Variants in SPR observed in about 807,000 individuals in gnomAD.
SPR encodes sepiapterin reductase.
Under a neutral mutation model 16.0 loss-of-function variants are expected in SPR, and 12 were observed. The observed-to-expected ratio is 0.75, with a 90% CI of 0.48 to 1.22. The LOEUF (loss-of-function observed/expected upper bound fraction) is 1.22, where lower values mean the gene tolerates loss of function less well. SPR is among the 50% of genes most tolerant of loss of function. The pLI, the probability that SPR is intolerant of heterozygous loss-of-function variation, is 0.00. For missense variants in SPR, 324 were observed against 344.4 expected (o/e 0.94, Z 0.47); for synonymous variants, 177 against 168.5 (o/e 1.05, Z -0.39).
intron 2 of SPR, among the ~76,000 whole-genome samples, 181 bp downstream of exon 2, chr2:72,888,785 G>A (rs552874919): frequency 2.6e-5 from 4 of 152,330 alleles, no homozygotes; most frequent in Non-Finnish European, 4.4e-5. Flanking sequence ...GCAGGGGCCG[G>A]GGATACTGGT....
rs1489347429 is a variant in SPR at position 72,888,437 on chromosome 2, C to T, written c.428C>T (p.Pro143Leu). ...ACTTCCAGCGTCCTGAAGGCCTTCCCGGACAGTCCTGGCCTCAACAGAACC... is the reference window on the plus strand; with the variant it reads ...ACTTCCAGCGTCCTGAAGGCCTTCCTGGACAGTCCTGGCCTCAACAGAACC... ...CLTSSVLKAF[P>L]DSPGLNRTVV... The change falls in exon 2 of 3, where the codon CCG (proline) becomes CTG (leucine). Residue 143 changes from proline to leucine, a missense_variant. Physicochemically the swap from Pro to Leu is moderately conservative, Grantham distance 98. Transcript: ENST00000234454. 5.0e-6 allele frequency: 8 copies of T among 1,613,916 alleles called. No homozygotes were observed. Among genetic ancestry groups the T allele is most frequent in the African/African-American group, 2.7e-5 (2 of 74,932 alleles).
At chr2:72,887,882 C>T (rs1353475855) in intron 1 of SPR, 146 bp downstream of exon 1, 18 of 910,682 alleles carry the variant, frequency 2.0e-5, no homozygotes, top group South Asian at 1.1e-4. Flanking sequence ...CAAGTGGAGG[C>T]GAGGTGTACA....
rs753789716 is a variant in SPR, at chr2:72,891,332, C to T, written c.596-15C>T. 16 of 1,614,152 alleles carry T rather than the reference C, an allele frequency of 9.9e-6. No individual in the cohort carries two copies. Among genetic ancestry groups the T allele is most frequent in the Non-Finnish European group, 1.4e-5 (16 of 1,180,018 alleles). On this transcript the variant is annotated splice_polypyrimidine_tract_variant and intron_variant, in intron 2 of 2. Transcript: ENST00000234454. ...CTTGGCCATGTTCCCTCATCGTCTCCTTTTCATCCTCTAGGTCCTCTGGAC... is the reference window on the plus strand; with the variant it reads ...CTTGGCCATGTTCCCTCATCGTCTCTTTTTCATCCTCTAGGTCCTCTGGAC...
Position 72,888,447 on chromosome 2 carries a change from T to G in SPR, c.438T>G (p.Pro146=), listed in dbSNP as rs776982963. The G allele has an allele frequency of 6.2e-7, 1 of 1,614,102 alleles. No homozygotes were observed. Among genetic ancestry groups the G allele is most frequent in the South Asian group, 1.1e-5 (1 of 91,036 alleles). Reference sequence around the variant, plus strand: ...TCCTGAAGGCCTTCCCGGACAGTCCTGGCCTCAACAGAACCGTGGTTAACA... The same window carrying G: ...TCCTGAAGGCCTTCCCGGACAGTCCGGGCCTCAACAGAACCGTGGTTAACA... ...SSVLKAFPDS[P]GLNRTVVNIS... is the part of the protein sequence containing the mutation. Residue 146 remains proline, a synonymous_variant, in exon 2 of 3, where the codon CCT becomes CCG. Coordinates refer to ENST00000234454, the MANE Select transcript of SPR (RefSeq NM_003124.5).
At position 72,891,437 on chromosome 2, in the gene SPR, G is replaced by A; in HGVS notation, c.686G>A (p.Gly229Glu). ...GGGCTGCAGGAGCTGAAGGCAAAGG[G>A]GAAGCTGGTGGATTGCAAGGTGTCA... is the stretch of plus-strand genomic sequence containing the variant. ...RKGLQELKAK[G>E]KLVDCKVSAQ... is the part of the protein sequence containing the mutation. The change falls in exon 3 of 3, where the codon GGG becomes GAG. Residue 229 changes from glycine (G) to glutamate (E), a missense_variant. Physicochemically the swap from Gly to Glu is moderately conservative, Grantham distance 98. Transcript: ENST00000234454. 2 of 1,614,252 alleles carry A rather than the reference G, an allele frequency of 1.2e-6. No individual in the cohort carries two copies. Among genetic ancestry groups the A allele is most frequent in the Non-Finnish European group, 1.7e-6 (2 of 1,180,034 alleles).
At chr2:72,888,645 C>A in intron 2 of SPR, 41 bp downstream of exon 2, 2 of 1,554,740 alleles carry the variant, frequency 1.3e-6, no homozygotes, top group Non-Finnish European at 8.7e-7. Flanking sequence ...CCAGAACCCA[C>A]TGGTGCGCCT....
chr2:72,888,971 G>C (rs1312024251), intron 2 of SPR, among the ~76,000 whole-genome samples: 2 of 152,222 alleles, frequency 1.3e-5, no homozygotes, highest in African/African-American at 2.4e-5. Context: ...ATGTGAAAAT[G>C]ACCCTGACCT....
At chr2:72,887,877 G>T (rs1670565422) in intron 1 of SPR, 141 bp downstream of exon 1, 1 of 936,016 alleles carries the variant, frequency 1.1e-6, no homozygotes, top group Non-Finnish European at 1.5e-6. Flanking sequence ...AGTAGCAAGT[G>T]GAGGCGAGGT....
Position 72,891,390 on chromosome 2 carries a change from C to T in SPR, c.639C>T (p.Ser213=), listed in dbSNP as rs113668841. The T allele has an allele frequency of 9.5e-5, 153 of 1,614,170 alleles. No homozygotes were observed. In the African/African-American group the frequency reaches 1.4e-3, roughly 14 times the overall value. Residue 213 remains serine, a synonymous_variant, in exon 3 of 3, where the codon TCC becomes TCT. Transcript: ENST00000234454. ...TGCAGCAGTTGGCCCGGGAGACCTC[C>T]GTGGACCCAGACATGCGAAAAGGGC... ...TDMQQLARET[S]VDPDMRKGLQ...
intron 1 of SPR, 82 bp from the exon 2 acceptor site, chr2:72,888,232 G>A: frequency 7.2e-7 from 1 of 1,394,418 alleles, no homozygotes; most frequent in Non-Finnish European, 1.0e-6. Context: ...CATGGGAAGA[G>A]GATATCTGGA....
intron 2 of SPR, among the ~76,000 whole-genome samples, chr2:72,890,996 G>A (rs528258283): frequency 1.1e-4 from 16 of 152,312 alleles, no homozygotes; most frequent in South Asian, 4.1e-4. Flanking sequence ...CTCTGGGGAC[G>A]ATGGGGGAGG....
chr2:72,888,550 T>C lies in SPR; in HGVS notation c.541T>C (p.Phe181Leu), dbSNP rs768688064. ...AGGAAAGGCTGCTCGTGATATGCTG[T>C]TCCAGGTCCTGGCGCTGGAGGAACC... is the stretch of plus-strand genomic sequence containing the variant. Reference protein sequence around the residue: ...CAGKAARDMLFQVLALEEPNV... With the variant: ...CAGKAARDMLLQVLALEEPNV... The change falls in exon 2 of 3, where the codon TTC becomes CTC. Residue 181 changes from phenylalanine (F) to leucine (L), a missense_variant. Transcript: ENST00000234454. The C allele has an allele frequency of 4.4e-6, 7 of 1,598,840 alleles. No homozygotes were observed. The highest frequency in any genetic ancestry group is 6.0e-6 in the Non-Finnish European group (7 of 1,171,042).
intron 2 of SPR, 92 bp from the exon 3 acceptor site, chr2:72,891,255 A>G (rs1190573821): frequency 1.4e-6 from 2 of 1,386,422 alleles, no homozygotes; most frequent in Non-Finnish European, 1.0e-6. Context: ...GCCAGACCTG[A>G]CTCAGCCCCA....
chr2:72,891,025 C>T (rs989627087), intron 2 of SPR, among the ~76,000 whole-genome samples: 3 of 152,042 alleles, frequency 2.0e-5, no homozygotes, highest in Admixed American at 6.5e-5. Flanking sequence ...AAGTGATGGA[C>T]GTTTTGAGTC....
rs767391520 is a variant in SPR, at chr2:72,888,382, G to A, written c.373G>A (p.Ala125Thr). Residue 125 changes from alanine (A) to threonine (T), a missense_variant, in exon 2 of 3, where the codon GCA becomes ACA. Transcript: ENST00000234454. ...CTCCACTCAAGTGAACAACTACTGG[G>A]CACTGAACTTGACCTCCATGCTCTG... ...SDSTQVNNYWALNLTSMLCLT... is the reference protein window; with the variant it reads ...SDSTQVNNYWTLNLTSMLCLT... 5 of 1,614,170 alleles carry A rather than the reference G, an allele frequency of 3.1e-6. No individual in the cohort carries two copies. In the Admixed American group the frequency reaches 6.7e-5, roughly 22 times the overall value.
chr2:72,887,973 A>G (rs570325019), intron 1 of SPR, among the ~76,000 whole-genome samples: 7 of 152,372 alleles, frequency 4.6e-5, no homozygotes, highest in African/African-American at 1.7e-4. Flanking sequence ...AAGCGCCTGT[A>G]GAACTTTCCC....
In SPR at chr2:72,888,564, G is replaced by T; in HGVS notation, c.555G>T (p.Ala185=). The T allele has an allele frequency of 6.3e-7, 1 of 1,596,268 alleles. No homozygotes were observed. Among genetic ancestry groups the T allele is most frequent in the Non-Finnish European group, 8.5e-7 (1 of 1,169,706 alleles). Residue 185 remains alanine, a synonymous_variant, in exon 2 of 3, where the codon GCG becomes GCT. Coordinates refer to ENST00000234454, the MANE Select transcript of SPR (RefSeq NM_003124.5). ...AARDMLFQVL[A]LEEPNVRVLN... Reference sequence around the variant, plus strand: ...GTGATATGCTGTTCCAGGTCCTGGCGCTGGAGGAACCTAATGTGAGGGTGC... The same window carrying T: ...GTGATATGCTGTTCCAGGTCCTGGCTCTGGAGGAACCTAATGTGAGGGTGC...
chr2:72,890,932 G>T (rs761260634), intron 2 of SPR, among the ~76,000 whole-genome samples: 9 of 152,180 alleles, frequency 5.9e-5, no homozygotes, highest in Non-Finnish European at 1.2e-4. Context: ...TGTAAAAAGG[G>T]CCTGATTGTC....
chr2:72,891,128 T>C (rs913372112), intron 2 of SPR, among the ~76,000 whole-genome samples: 1 of 152,136 alleles, frequency 6.6e-6, no homozygotes, highest in African/African-American at 2.4e-5. Flanking sequence ...GACATGGTAG[T>C]CTAGAGGGTC....
Sources: allele counts gnomAD v4.1 joint callset (sites outside exome capture counted in the v4.1 genomes callset), GRCh38; gene constraint gnomAD v4.1.1; transcripts MANE v1.5; gene names NCBI Gene and HGNC (gene_info 2026-07-23, HGNC 2026-07-21).